PDXDC1: variants seen among roughly 807,000 people sequenced by gnomAD.
The protein encoded by PDXDC1 is pyridoxal dependent decarboxylase domain containing 1.
A neutral mutation model predicts 100.1 loss-of-function variants in PDXDC1; 42 were observed. That is an observed-to-expected ratio of 0.42 (90% CI 0.33 to 0.54). PDXDC1 has a LOEUF of 0.54. Among genes scored for constraint, PDXDC1 ranks in the 20% least tolerant of loss-of-function variants. The probability of loss-of-function intolerance (pLI) is 0.10; values close to 1 mark genes in which losing one functional copy is unlikely to be tolerated. For synonymous variants in PDXDC1, 260 were observed against 371.7 expected, an observed-to-expected ratio of 0.70 and a Z score of 3.46; for missense variants, 636 against 979.2, an observed-to-expected ratio of 0.65 and a Z score of 4.68.
chr16:15,111,052 T>C (rs2047029830), intron 16 of PDXDC1, among the ~76,000 whole-genome samples: 2 of 148,196 alleles, frequency 1.3e-5, no homozygotes, highest in South Asian at 2.2e-4. Context: ...CGTTTGAAGC[T>C]GGGAGGCGGA....
chr16:15,065,262 G>T, intron 16 of PDXDC1: 1 of 1,613,882 alleles, frequency 6.2e-7, no homozygotes, highest in Non-Finnish European at 8.5e-7. Context: ...GTGTCCAGCG[G>T]GTTTGTGCAG....
downstream of PDXDC1, among the ~76,000 whole-genome samples, chr16:15,042,079 G>C (rs558701196): frequency 6.6e-6 from 1 of 152,248 alleles, no homozygotes; most frequent in East Asian, 1.9e-4. Context: ...AGAACATAAG[G>C]AAGTCGGTTT....
chr16:15,059,620 C>T (rs2044641305), intron 16 of PDXDC1, among the ~76,000 whole-genome samples: 1 of 152,138 alleles, frequency 6.6e-6, no homozygotes, highest in South Asian at 2.1e-4. Flanking sequence ...GAAGACCAAA[C>T]CAGAGCACAC....
At chr16:15,068,424 T>C (rs999969068) in intron 16 of PDXDC1, 11 of 988,068 alleles carry the variant, frequency 1.1e-5, no homozygotes, top group African/African-American at 6.6e-5. Flanking sequence ...TCCATGCAGA[T>C]AGTCACACAG....
intron 16 of PDXDC1, among the ~76,000 whole-genome samples, chr16:15,052,011 T>TA (rs879576261): frequency 1.9e-3 from 270 of 143,358 alleles, no homozygotes; most frequent in African/African-American, 5.4e-3. Flanking sequence ...AATATTTGCT[T>TA]AAAAAAAAAA....
At chr16:15,003,940 C>T (rs1385762840) in intron 4 of PDXDC1, among the ~76,000 whole-genome samples, 1 of 152,266 alleles carries the variant, frequency 6.6e-6, no homozygotes, top group African/African-American at 2.4e-5. Context: ...GCTGAGATCG[C>T]ACCACTGCAC....
At position 14,980,437 on chromosome 16, in the gene PDXDC1, C is replaced by T. The variant is rs1303037677; in HGVS notation, c.21+5217C>T. Among the ~76,000 whole-genome samples the T allele has an allele frequency of 6.6e-5, 10 of 152,376 alleles. No individual in the cohort carries two copies. The East Asian group carries it at 7.7e-4, about 12-fold the overall frequency. On this transcript the variant is annotated intron_variant, in intron 1 of 22. Transcript: ENST00000396410. ...AAGCAATTCTCCTGCCTCAGCTTCCCGAGTAGATGGGATTATTTTTGTGCC... is the reference window on the plus strand; with the variant it reads ...AAGCAATTCTCCTGCCTCAGCTTCCTGAGTAGATGGGATTATTTTTGTGCC...
At chr16:15,016,257 GAGTCC>G in intron 9 of PDXDC1, 44 bp downstream of exon 9, 1 of 1,599,482 alleles carries the variant, frequency 6.3e-7, no homozygotes, top group Non-Finnish European at 8.5e-7. Flanking sequence ...GGCCTGCACA[GAGTCC>G]TTATGAGGAC....
In PDXDC1 at chr16:15,016,877, A is replaced by G. The variant is rs1225209810; in HGVS notation, c.813-243A>G. On this transcript the variant is annotated intron_variant, in intron 9 of 22. Coordinates refer to ENST00000396410, the MANE Select transcript of PDXDC1 (RefSeq NM_015027.4). ...TGGAAAATAAGATCCATGAAAGAGA[A>G]GAATACTCCCATTATATTAAATGAG... 2.6e-5 allele frequency among the ~76,000 whole-genome samples: 4 copies of G among 152,410 alleles called. No homozygotes were observed. In the South Asian group the frequency reaches 8.3e-4, roughly 32 times the overall value.
At chr16:15,126,677 G>A (rs2047748702) in intron 16 of PDXDC1, 1 of 104,296 alleles carries the variant, frequency 9.6e-6, no homozygotes, top group Non-Finnish European at 2.1e-5. Flanking sequence ...TTTTTTTGGA[G>A]ATGGAGTCTT....
At chr16:15,038,498 C>T, downstream of PDXDC1, 2 of 868,274 alleles carry the variant, frequency 2.3e-6, no homozygotes, top group South Asian at 3.1e-5. Context: ...ATGACCTGGT[C>T]TAAACCCTTT....
chr16:15,084,439 C>A (rs2045833536), intron 16 of PDXDC1, among the ~76,000 whole-genome samples: 3 of 151,314 alleles, frequency 2.0e-5, no homozygotes, highest in African/African-American at 7.3e-5. Flanking sequence ...GATCTGCATA[C>A]AAACTTTGAA....
In PDXDC1 at chr16:15,038,207, G is replaced by C. The variant is rs774953823; in HGVS notation, c.*1932G>C. The C allele has an allele frequency of 2.5e-6, 4 of 1,611,830 alleles. No homozygotes were observed. In the South Asian group the frequency reaches 4.4e-5, roughly 18 times the overall value. On this transcript the variant is annotated 3_prime_UTR_variant, in exon 23 of 23. Coordinates refer to ENST00000396410, the MANE Select transcript of PDXDC1 (RefSeq NM_015027.4). ...GGCTCAGCCAGAGGCGAAGTGGAAA[G>C]ATTCTGAAAACACAAGATGGTGGGC...
intron 16 of PDXDC1, chr16:15,127,994 G>C: frequency 6.3e-7 from 1 of 1,591,080 alleles, no homozygotes; most frequent in Non-Finnish European, 8.6e-7. Context: ...GGCCTTACTC[G>C]CGGCCAGCAC....
chr16:15,143,317 C>T (rs945152638), downstream of PDXDC1, among the ~76,000 whole-genome samples: 1 of 152,162 alleles, frequency 6.6e-6, no homozygotes, highest in Non-Finnish European at 1.5e-5. Context: ...GCAGGAGCAG[C>T]AACAGCAGAG....
chr16:15,058,865 C>T (rs1158662192), intron 16 of PDXDC1, among the ~76,000 whole-genome samples: 1 of 152,186 alleles, frequency 6.6e-6, no homozygotes, highest in African/African-American at 2.4e-5. Context: ...AAACTCCTGG[C>T]TTCAAGAGAT....
At chr16:15,029,724 T>C (rs1333622892) in intron 15 of PDXDC1, 12 of 575,720 alleles carry the variant, frequency 2.1e-5, no homozygotes, top group Non-Finnish European at 3.7e-5. Flanking sequence ...TTTCTTCTTT[T>C]TGTTTACTTG....
At chr16:15,097,229 C>A (rs1450469356) in intron 16 of PDXDC1, among the ~76,000 whole-genome samples, 1 of 150,742 alleles carries the variant, frequency 6.6e-6, no homozygotes, top group African/African-American at 2.4e-5. Flanking sequence ...GACTACACCA[C>A]GACACTCTCT....
chr16:14,992,918 C>T (rs1320734349), intron 1 of PDXDC1, among the ~76,000 whole-genome samples: 1 of 151,972 alleles, frequency 6.6e-6, no homozygotes, highest in Non-Finnish European at 1.5e-5. Flanking sequence ...GTGACACAAT[C>T]ATAGCTTACT....
Sources: allele counts gnomAD v4.1 joint callset (sites outside exome capture counted in the v4.1 genomes callset), GRCh38; gene constraint gnomAD v4.1.1; transcripts MANE v1.5; gene names NCBI Gene and HGNC (gene_info 2026-07-23, HGNC 2026-07-21).